The following DYNC1H1 variants were observed in gnomAD, a reference collection of about 807,000 sequenced individuals.
DYNC1H1 encodes the protein dynein cytoplasmic 1 heavy chain 1, also known as cytoplasmic dynein 1 heavy chain 1.
Under a neutral mutation model 527.1 loss-of-function variants are expected in DYNC1H1, and 51 were observed. The ratio of observed to expected loss-of-function variants is 0.10; its 90% CI spans 0.08 to 0.12. The LOEUF is 0.12. Ranked by LOEUF, DYNC1H1 falls within the 10% of genes least tolerant of loss-of-function variation. The probability of loss-of-function intolerance (pLI) is 1.00; values close to 1 mark genes in which losing one functional copy is unlikely to be tolerated. For missense variants in DYNC1H1, 2,771 were observed against 5,971.8 expected (o/e 0.46, Z 17.66); for synonymous variants, 2,189 against 2,278.8 (o/e 0.96, Z 1.12).
chr14:102,020,844 A>G lies in DYNC1H1; in HGVS notation c.8507+788A>G, dbSNP rs2048376596. 6.6e-6 allele frequency among the ~76,000 whole-genome samples: 1 copy of G among 152,120 alleles called. No homozygotes were observed. The highest frequency in any genetic ancestry group is 2.4e-5 in the African/African-American group (1 of 41,414). ...CAGTTTTTCCTGTCATTACTGTACAAGGAGTCTCAGAATACTGCCTAGTTG... is the reference window on the plus strand; with the variant it reads ...CAGTTTTTCCTGTCATTACTGTACAGGGAGTCTCAGAATACTGCCTAGTTG... On this transcript the variant is annotated intron_variant, in intron 42 of 77. Transcript: ENST00000360184. The surrounding 1 kb of genome is among the most constrained non-coding windows in gnomAD (Gnocchi z 4.3).
Position 101,994,226 on chromosome 14 carries a change from C to T in DYNC1H1, c.3058C>T (p.Arg1020Trp), listed in dbSNP as rs1328036796. Residue 1020 changes from arginine (R) to tryptophan (W), a missense_variant, in exon 12 of 78, where the codon CGG becomes TGG. By Grantham distance (101) the Arg-to-Trp change is moderately radical. Transcript: ENST00000360184. ...ATTGACTGAGGAAGAGAAATTCTATCGGAATGCTTTAACACGGATGCCTGA... is the reference window on the plus strand; with the variant it reads ...ATTGACTGAGGAAGAGAAATTCTATTGGAATGCTTTAACACGGATGCCTGA... ...YELTEEEKFY[R>W]NALTRMPDGP... The T allele has an allele frequency of 1.2e-6, 2 of 1,614,066 alleles. No homozygotes were observed. The highest frequency in any genetic ancestry group is 8.5e-7 in the Non-Finnish European group (1 of 1,180,038).
intron 72 of DYNC1H1, chr14:102,047,586 C>T (rs1317231854): frequency 2.8e-5 from 9 of 326,242 alleles, no homozygotes; most frequent in Non-Finnish European, 4.2e-5. Flanking sequence ...CATACACATA[C>T]GTATATATAT....
chr14:101,988,967 C>A, intron 10 of DYNC1H1, 115 bp downstream of exon 10: 1 of 1,404,704 alleles, frequency 7.1e-7, no homozygotes, highest in Non-Finnish European at 9.8e-7. Flanking sequence ...GCCACCTTAA[C>A]CAGGTGATGA....
rs558558053 is a variant in DYNC1H1 at position 102,048,393 on chromosome 14, C to T, written c.13219-123C>T. 7.4e-6 allele frequency: 10 copies of T among 1,349,796 alleles called. No individual in the cohort carries two copies. In the South Asian group the frequency reaches 8.6e-5, roughly 12 times the overall value. The allele number at this position is 1,349,796 out of a possible 1,614,324, so 83.6% of individuals were successfully genotyped here. The stretch of plus-strand genomic sequence containing the variant: ...CAAGTCACGCTCTGCCAAAGCTGTC[C>T]GTGACCCTGGACAGTTCGGAAGCTC... On this transcript the variant is annotated intron_variant, in intron 73 of 77. Transcript: ENST00000360184.
intron 28 of DYNC1H1, among the ~76,000 whole-genome samples, chr14:102,007,753 A>G (rs1478535036): frequency 6.6e-6 from 1 of 152,196 alleles, no homozygotes; most frequent in African/African-American, 2.4e-5. Context: ...GTGGTATGGT[A>G]GTCTGCTCAG....
At chr14:102,047,348 C>T (rs1226716619) in intron 72 of DYNC1H1, among the ~76,000 whole-genome samples, 3 of 151,932 alleles carry the variant, frequency 2.0e-5, no homozygotes, top group Non-Finnish European at 2.9e-5. Context: ...GCCTGGCCAG[C>T]ATGGTGAAAC....
intron 1 of DYNC1H1, among the ~76,000 whole-genome samples, chr14:101,969,116 C>T (rs1356858542): frequency 2.0e-5 from 3 of 151,910 alleles, no homozygotes; most frequent in East Asian, 1.9e-4. Context: ...CTCCCGGGTT[C>T]ACGCCATTCT....
Position 102,029,435 on chromosome 14 carries a change from C to T in DYNC1H1, c.9469-104C>T. On this transcript the variant is annotated intron_variant, in intron 48 of 77. Transcript: ENST00000360184. The surrounding 1 kb of genome is among the most constrained non-coding windows in gnomAD (Gnocchi z 5.3). Reference sequence around the variant, plus strand: ...GAGTGTTCTGGCCCCGAGGGCCAGGCTCCTTCTATCATGTCACACCCATCT... The same window carrying T: ...GAGTGTTCTGGCCCCGAGGGCCAGGTTCCTTCTATCATGTCACACCCATCT... 1 of 1,501,632 alleles carries T rather than the reference C, an allele frequency of 6.7e-7. No homozygotes were observed. Among genetic ancestry groups the T allele is most frequent in the Non-Finnish European group, 9.1e-7 (1 of 1,092,948 alleles). 93.0% of individuals were successfully genotyped at this position (1,501,632 alleles called of 1,614,324 possible).
At chr14:101,972,339 T>C (rs1273525182) in intron 1 of DYNC1H1, among the ~76,000 whole-genome samples, 1 of 152,194 alleles carries the variant, frequency 6.6e-6, no homozygotes. Flanking sequence ...GTTTGATCCG[T>C]GTCTTTATAG....
In DYNC1H1 at chr14:102,015,908, T is replaced by C. The variant is rs1343397232; in HGVS notation, c.7295T>C (p.Leu2432Pro). 1.9e-6 allele frequency: 3 copies of C among 1,614,142 alleles called. No individual in the cohort carries two copies. Among genetic ancestry groups the C allele is most frequent in the Non-Finnish European group, 2.5e-6 (3 of 1,180,054 alleles). Residue 2432 changes from leucine (L) to proline (P), a missense_variant, in exon 36 of 78, where the codon CTG (leucine) becomes CCG (proline). This residue lies in a region of DYNC1H1 where 122 missense variants were observed against 168.4 expected (regional missense o/e 0.72). Coordinates refer to ENST00000360184, the MANE Select transcript of DYNC1H1 (RefSeq NM_001376.5). The surrounding 1 kb of genome is among the most constrained non-coding windows in gnomAD (Gnocchi z 6.9). ...IMQPYFTSNG[L>P]VTKALEHAFQ... is the part of the protein sequence containing the mutation. ...CAACCGTACTTCACGTCCAACGGCC[T>C]GGTCACCAAGGCGCTAGAGCACGCC...
Position 102,033,611 on chromosome 14 carries a change from G to A in DYNC1H1, c.10413+127G>A. The A allele has an allele frequency of 1.6e-6, 2 of 1,277,486 alleles. No homozygotes were observed. Among genetic ancestry groups the A allele is most frequent in the Non-Finnish European group, 2.2e-6 (2 of 909,802 alleles). The allele number at this position is 1,277,486 out of a possible 1,614,324, so 79.1% of individuals were successfully genotyped here. A position where few individuals can be genotyped will look rare whatever the true frequency, so the allele number is the denominator to read the frequency against. On this transcript the variant is annotated intron_variant, in intron 54 of 77. Coordinates refer to ENST00000360184, the MANE Select transcript of DYNC1H1 (RefSeq NM_001376.5). The surrounding 1 kb of genome is among the most constrained non-coding windows in gnomAD (Gnocchi z 5.6). ...GCTCTTTAACATCTGTAAGGCCCCG[G>A]AGGACTTTTTTCCTGGAAAATAATA...
At position 102,015,618 on chromosome 14, in the gene DYNC1H1, C is replaced by G. The variant is rs1595616967; in HGVS notation, c.7243-238C>G. ...TTAAAGAATTCTTTTCATTATCTTACTTTTCTCTACAAATTGATGAAAGAC... is the reference window on the plus strand; with the variant it reads ...TTAAAGAATTCTTTTCATTATCTTAGTTTTCTCTACAAATTGATGAAAGAC... On this transcript the variant is annotated intron_variant, in intron 35 of 77. Coordinates refer to ENST00000360184, the MANE Select transcript of DYNC1H1 (RefSeq NM_001376.5). The surrounding 1 kb of genome is among the most constrained non-coding windows in gnomAD (Gnocchi z 6.9). Among the ~76,000 whole-genome samples, 1 of 152,206 alleles carries G rather than the reference C, an allele frequency of 6.6e-6. No homozygotes were observed. The highest frequency in any genetic ancestry group is 1.9e-4 in the East Asian group (1 of 5,200).
chr14:101,991,986 A>C, intron 11 of DYNC1H1, among the ~76,000 whole-genome samples: 1 of 145,012 alleles, frequency 6.9e-6, no homozygotes, highest in African/African-American at 2.5e-5. Flanking sequence ...ACATACACAA[A>C]AGTTGAGGGA....
Position 102,011,703 on chromosome 14 carries a change from G to C in DYNC1H1, c.6619-172G>C. The C allele has an allele frequency of 1.5e-6, 1 of 670,398 alleles. No individual in the cohort carries two copies. Among genetic ancestry groups the C allele is most frequent in the South Asian group, 1.8e-5 (1 of 57,034 alleles). The allele number at this position is 670,398 out of a possible 1,614,324, so 41.5% of individuals were successfully genotyped here. ...GGAGGTGGAGCTTGCGGTGAGCTGA[G>C]ATCGTGCCACTGCATTCCAGTCTGG... On this transcript the variant is annotated intron_variant, in intron 32 of 77. Coordinates refer to ENST00000360184, the MANE Select transcript of DYNC1H1 (RefSeq NM_001376.5). The surrounding 1 kb of genome is among the most constrained non-coding windows in gnomAD (Gnocchi z 5.3).
Position 101,983,442 on chromosome 14 carries a change from G to T in DYNC1H1, c.1294G>T (p.Val432Leu). 6.2e-7 allele frequency: 1 copy of T among 1,614,108 alleles called. No homozygotes were observed. The highest frequency in any genetic ancestry group is 8.5e-7 in the Non-Finnish European group (1 of 1,180,036). ...GGATGATGAGTATGAGAAACTTCAG[G>T]TATTGTTGAGAGACATCGTCAAAAG... is the stretch of plus-strand genomic sequence containing the variant. ...TWDDEYEKLQ[V>L]LLRDIVKRKR... is the part of the protein sequence containing the mutation. Residue 432 changes from valine to leucine, a missense_variant, in exon 7 of 78, where the codon GTA becomes TTA. Physicochemically the swap from Val to Leu is conservative, Grantham distance 32. This residue lies in a region of DYNC1H1 where 264 missense variants were observed against 619.4 expected (regional missense o/e 0.43). Coordinates refer to ENST00000360184, the MANE Select transcript of DYNC1H1 (RefSeq NM_001376.5). The surrounding 1 kb of genome is among the most constrained non-coding windows in gnomAD (Gnocchi z 5.3).
In DYNC1H1 at chr14:102,015,853, T is replaced by G; in HGVS notation, c.7243-3T>G. On this transcript the variant is annotated splice_region_variant and splice_polypyrimidine_tract_variant and intron_variant, in intron 35 of 77. Transcript: ENST00000360184. This position sits in a 1 kb window ranked among gnomAD's most constrained non-coding sequence, Gnocchi z 6.9. Reference sequence around the variant, plus strand: ...GTTAAGTATCACTCCTTCCACTTTCTAGATCCAAAGAGATGCAGCTACGAT... The same window carrying G: ...GTTAAGTATCACTCCTTCCACTTTCGAGATCCAAAGAGATGCAGCTACGAT... The G allele has an allele frequency of 6.2e-7, 1 of 1,614,150 alleles. No homozygotes were observed. Among genetic ancestry groups the G allele is most frequent in the Non-Finnish European group, 8.5e-7 (1 of 1,180,008 alleles).
rs758342877 is a variant in DYNC1H1, at chr14:102,012,289, C to G, written c.6858-25C>G. 1.1e-4 allele frequency: 185 copies of G among 1,614,036 alleles called. No homozygotes were observed. Among genetic ancestry groups the G allele is most frequent in the Non-Finnish European group, 5.1e-6 (6 of 1,180,028 alleles). The stretch of plus-strand genomic sequence containing the variant: ...GTTAAAATCTTGATTTAATCAGCAG[C>G]TATTTTAAAATCCTTCCCAACCAGG... On this transcript the variant is annotated intron_variant, in intron 33 of 77. Coordinates refer to ENST00000360184, the MANE Select transcript of DYNC1H1 (RefSeq NM_001376.5). The surrounding 1 kb of genome is among the most constrained non-coding windows in gnomAD (Gnocchi z 4.9).
At chr14:102,032,243 G>A (rs201598765) in intron 51 of DYNC1H1, 29 bp from the exon 52 acceptor site, 303 of 1,612,364 alleles carry the variant, frequency 1.9e-4, no homozygotes, top group Admixed American at 3.0e-4. Context: ...CCCACCCATC[G>A]ACCCTCATCC....
chr14:102,008,327 C>G lies in DYNC1H1; in HGVS notation c.5967C>G (p.Asn1989Lys). Reference protein sequence around the residue: ...QEALREHSNPNYDKTSAPITC... With the variant: ...QEALREHSNPKYDKTSAPITC... ...CACTGCGTGAACATTCCAACCCCAA[C>G]TACGACAAGAGTAAGACACCTCTTC... Residue 1989 changes from asparagine to lysine, a missense_variant, in exon 29 of 78, where the codon AAC becomes AAG. Asn to Lys is a moderately conservative substitution (Grantham distance 94). Around this residue, in one of 32 missense-constraint regions of DYNC1H1, gnomAD observed 39 missense variants for 38.8 expected, o/e 1.00. Coordinates refer to ENST00000360184, the MANE Select transcript of DYNC1H1 (RefSeq NM_001376.5). The G allele has an allele frequency of 6.2e-7, 1 of 1,614,176 alleles. No homozygotes were observed. The highest frequency in any genetic ancestry group is 8.5e-7 in the Non-Finnish European group (1 of 1,180,026).
Sources: gnomAD v4.1 joint callset for allele counts (sites outside exome capture counted in the v4.1 genomes callset) on GRCh38, gnomAD v4.1.1 for gene constraint, gnomAD v4.1.1 regional missense constraint, Gnocchi (gnomAD v3.1) non-coding constraint, MANE v1.5 for transcripts, NCBI Gene and HGNC (gene_info 2026-07-23, HGNC 2026-07-21) for gene names.